DPP6: variants seen among roughly 807,000 people sequenced by gnomAD.
The protein encoded by DPP6 is dipeptidyl peptidase like 6.
A neutral mutation model predicts 122.6 loss-of-function variants in DPP6; 69 were observed. That is an observed-to-expected ratio of 0.56 (90% confidence interval 0.46 to 0.69). The LOEUF is 0.69. Ranked by LOEUF, DPP6 falls within the 30% of genes least tolerant of loss-of-function variation. The pLI, the probability that DPP6 is intolerant of heterozygous loss-of-function variation, is 0.00. For missense variants in DPP6, 928 were observed against 1,116.9 expected (o/e 0.83, Z 2.41); for synonymous variants, 418 against 433.1 (o/e 0.97, Z 0.43).
At chr7:154,090,846 T>C (rs940375407) in intron 1 of DPP6, among the ~76,000 whole-genome samples, 12 of 149,988 alleles carry the variant, frequency 8.0e-5, no homozygotes, top group Non-Finnish European at 1.5e-4. Flanking sequence ...CTGGGCCGTT[T>C]GCGGTGGCTC....
At chr7:154,860,845 A>G (rs1803325867) in intron 17 of DPP6, among the ~76,000 whole-genome samples, 1 of 152,248 alleles carries the variant, frequency 6.6e-6, no homozygotes, top group Non-Finnish European at 1.5e-5. Flanking sequence ...CTGCCCCATC[A>G]CAGCCGTGGA....
chr7:154,721,380 G>A (rs1252464375), intron 7 of DPP6, among the ~76,000 whole-genome samples: 1 of 152,128 alleles, frequency 6.6e-6, no homozygotes, highest in East Asian at 1.9e-4. Flanking sequence ...CTGTGCTCCT[G>A]TGTCTTCATC....
chr7:154,435,694 A>T (rs1818804590), intron 1 of DPP6, among the ~76,000 whole-genome samples: 1 of 152,202 alleles, frequency 6.6e-6, no homozygotes. Flanking sequence ...CTGAATATGG[A>T]AATACAATGA....
chr7:154,874,721 T>C (rs79572395), intron 19 of DPP6, among the ~76,000 whole-genome samples: 1 of 151,948 alleles, frequency 6.6e-6, no homozygotes, highest in Non-Finnish European at 1.5e-5. Flanking sequence ...CCACTCTCAG[T>C]TGGGGCACTG....
In DPP6 at chr7:154,475,236, T is replaced by G. The variant is rs1822628752; in HGVS notation, c.457+199T>G. 5 of 564,772 alleles carry G rather than the reference T, an allele frequency of 8.9e-6. No individual in the cohort carries two copies. The East Asian group carries it at 1.7e-4, about 19-fold the overall frequency. The allele number at this position is 564,772 out of a possible 1,614,324, so 35.0% of individuals were successfully genotyped here. On this transcript the variant is annotated intron_variant, in intron 3 of 25. Coordinates refer to ENST00000377770, the MANE Select transcript of DPP6 (RefSeq NM_130797.4). The stretch of plus-strand genomic sequence containing the variant: ...TGGTAAAATCAGGCTTTTGTAATGG[T>G]GTTGCCTCCCGAGCATCCACACAGC...
chr7:154,811,994 C>G (rs1024738791), intron 16 of DPP6, among the ~76,000 whole-genome samples: 1 of 152,172 alleles, frequency 6.6e-6, no homozygotes, highest in Non-Finnish European at 1.5e-5. Context: ...AGAGGCTTCT[C>G]TATGGTAAAA....
the DPP6 span, among the ~76,000 whole-genome samples, chr7:153,763,589 G>A: frequency 6.6e-6 from 1 of 152,130 alleles, no homozygotes; most frequent in Non-Finnish European, 1.5e-5. Context: ...TATACTTTGG[G>A]GAGAAGAATG....
intron 16 of DPP6, among the ~76,000 whole-genome samples, chr7:154,852,429 G>T (rs1369468016): frequency 6.6e-6 from 1 of 150,382 alleles, no homozygotes; most frequent in Non-Finnish European, 1.5e-5. Context: ...CTTTCTCCCT[G>T]CATCTTCCCA....
At chr7:154,068,136 G>C (rs1802873901) in intron 1 of DPP6, among the ~76,000 whole-genome samples, 1 of 152,136 alleles carries the variant, frequency 6.6e-6, no homozygotes, top group African/African-American at 2.4e-5. Flanking sequence ...GGTTAGCAGG[G>C]AAGGGGCAGC....
chr7:154,204,200 C>T (rs112258455), intron 1 of DPP6, among the ~76,000 whole-genome samples: 3,733 of 152,302 alleles, frequency 0.025, 166 homozygotes, highest in African/African-American at 0.085. Flanking sequence ...TGGGCATCCT[C>T]ACCATTCTGT....
chr7:153,796,548 T>C, the DPP6 span, among the ~76,000 whole-genome samples: 3 of 152,092 alleles, frequency 2.0e-5, no homozygotes, highest in African/African-American at 4.8e-5. Flanking sequence ...TCTTGAGTGA[T>C]AGGAGTGTTT....
At position 154,892,692 on chromosome 7, in the gene DPP6, A is replaced by G; in HGVS notation, c.*212A>G. 1.9e-6 allele frequency: 2 copies of G among 1,039,060 alleles called. No individual in the cohort carries two copies. The allele number at this position is 1,039,060 out of a possible 1,614,324, so 64.4% of individuals were successfully genotyped here. A position where few individuals can be genotyped will look rare whatever the true frequency, so the allele number is the denominator to read the frequency against. On this transcript the variant is annotated 3_prime_UTR_variant, in exon 26 of 26. Coordinates refer to ENST00000377770, the MANE Select transcript of DPP6 (RefSeq NM_130797.4). The stretch of plus-strand genomic sequence containing the variant: ...CACGGCCTCCATGGCACCAGGGACA[A>G]CGCTGTCCCCGCAGCAGCGCCTCCT...
intron 16 of DPP6, among the ~76,000 whole-genome samples, chr7:154,834,853 G>C (rs558660672): frequency 2.1e-4 from 32 of 152,362 alleles, no homozygotes; most frequent in African/African-American, 7.7e-4. Context: ...GTCTGAGAAA[G>C]ACTCTAGGAG....
At chr7:154,489,485 T>C (rs1299061860) in intron 3 of DPP6, among the ~76,000 whole-genome samples, 2 of 152,158 alleles carry the variant, frequency 1.3e-5, no homozygotes, top group Non-Finnish European at 2.9e-5. Flanking sequence ...CTCTTTAGTG[T>C]AAAAGTGGTA....
At chr7:154,252,008 A>C (rs1233680180) in intron 1 of DPP6, among the ~76,000 whole-genome samples, 2 of 152,252 alleles carry the variant, frequency 1.3e-5, no homozygotes, top group African/African-American at 4.8e-5. Flanking sequence ...GGTTCAAATA[A>C]GAACAAGAGC....
At chr7:154,107,488 G>A (rs1294387323) in intron 1 of DPP6, among the ~76,000 whole-genome samples, 1 of 152,124 alleles carries the variant, frequency 6.6e-6, no homozygotes, top group Non-Finnish European at 1.5e-5. Context: ...ATAAGTTTTT[G>A]AGATCAATTG....
chr7:154,885,449 T>C (rs1039726587), intron 21 of DPP6, 184 bp from the exon 22 acceptor site: 2 of 753,886 alleles, frequency 2.7e-6, no homozygotes, highest in South Asian at 3.8e-5. Flanking sequence ...AATGCTGAGT[T>C]GGAAGGGAGT....
At chr7:154,437,109 A>C (rs967733207) in intron 1 of DPP6, among the ~76,000 whole-genome samples, 2 of 152,196 alleles carry the variant, frequency 1.3e-5, no homozygotes, top group African/African-American at 4.8e-5. Flanking sequence ...TGACTATGTT[A>C]GCTTCCCTGA....
chr7:154,749,381 A>G (rs12672344), intron 8 of DPP6, among the ~76,000 whole-genome samples: 21,361 of 35,438 alleles, frequency 0.6, 5,152 homozygotes, highest in Non-Finnish European at 0.63. Context: ...GCATAGGACG[A>G]GAGAGAGAGG....
Sources: gnomAD v4.1 joint callset for allele counts (sites outside exome capture counted in the v4.1 genomes callset) on GRCh38, gnomAD v4.1.1 for gene constraint, MANE v1.5 for transcripts, NCBI Gene and HGNC (gene_info 2026-07-23, HGNC 2026-07-21) for gene names.